The following NREP variants were observed in gnomAD, a reference collection of about 807,000 sequenced individuals.
NREP encodes the protein neuronal regeneration related protein.
Under a neutral mutation model 8.6 loss-of-function variants are expected in NREP, and 5 were observed. The ratio of observed to expected loss-of-function variants is 0.58; its 90% confidence interval spans 0.30 to 1.22. The LOEUF (loss-of-function observed/expected upper bound fraction) is 1.22, where lower values mean the gene tolerates loss of function less well. Among genes scored for constraint, NREP ranks in the 50% most tolerant of loss-of-function variants. NREP has a pLI of 0.07. For synonymous variants in NREP, 27 were observed against 28.0 expected, an observed-to-expected ratio of 0.96 and a Z score of 0.11; for missense variants, 86 against 82.5, an observed-to-expected ratio of 1.04 and a Z score of -0.17.
chr5:111,872,575 T>C (rs1367387023), intron 2 of NREP, among the ~76,000 whole-genome samples: 1 of 152,138 alleles, frequency 6.6e-6, no homozygotes, highest in Admixed American at 6.5e-5. Flanking sequence ...TGGTTGTCTG[T>C]GCCAGCTGTA....
chr5:111,947,166 C>T (rs180972075), intron 2 of NREP, among the ~76,000 whole-genome samples: 23 of 152,142 alleles, frequency 1.5e-4, no homozygotes, highest in African/African-American at 5.1e-4. Context: ...TTTGTATCCA[C>T]TCCTCCACAA....
upstream of NREP, among the ~76,000 whole-genome samples, chr5:111,760,304 C>A (rs1159778417): frequency 6.6e-6 from 1 of 152,152 alleles, no homozygotes; most frequent in Non-Finnish European, 1.5e-5. Context: ...TGATTGAGAA[C>A]CACTAGCTCT....
chr5:111,833,643 C>T (rs1009564458), intron 2 of NREP, among the ~76,000 whole-genome samples: 13 of 152,104 alleles, frequency 8.5e-5, no homozygotes, highest in African/African-American at 2.9e-4. Context: ...TGGCCTCATC[C>T]TATTGTTTGA....
chr5:111,957,369 G>A (rs934115229), intron 2 of NREP, among the ~76,000 whole-genome samples: 2 of 151,816 alleles, frequency 1.3e-5, no homozygotes, highest in African/African-American at 4.8e-5. Context: ...AAATCTCAAT[G>A]GAGAGTCAAT....
chr5:111,781,692 A>G (rs1317064537), intron 2 of NREP, among the ~76,000 whole-genome samples: 3 of 152,186 alleles, frequency 2.0e-5, no homozygotes, highest in African/African-American at 7.2e-5. Context: ...TTGTGATGAA[A>G]TTTGGACTAA....
chr5:111,943,513 G>C (rs563362448), intron 2 of NREP, among the ~76,000 whole-genome samples: 1 of 152,148 alleles, frequency 6.6e-6, no homozygotes, highest in Non-Finnish European at 1.5e-5. Context: ...CCAGAACTTT[G>C]TATTATAGAT....
At chr5:111,969,470 A>G (rs1008515256) in intron 2 of NREP, 1 of 152,222 alleles carries the variant, frequency 6.6e-6, no homozygotes, top group African/African-American at 2.4e-5. Context: ...TAATAGACAT[A>G]CAGTAGCCAT....
At chr5:111,819,606 C>T (rs2112922935) in intron 2 of NREP, among the ~76,000 whole-genome samples, 1 of 152,280 alleles carries the variant, frequency 6.6e-6, no homozygotes, top group East Asian at 1.9e-4. Context: ...ACCATTGCTC[C>T]TGGGGAAAAT....
chr5:111,832,791 A>G (rs1180163080), intron 2 of NREP, among the ~76,000 whole-genome samples: 1 of 152,170 alleles, frequency 6.6e-6, no homozygotes, highest in Non-Finnish European at 1.5e-5. Flanking sequence ...TACCACTCCC[A>G]TTCCCATAGC....
chr5:111,866,170 G>A (rs1000934445), intron 2 of NREP, among the ~76,000 whole-genome samples: 4 of 152,136 alleles, frequency 2.6e-5, no homozygotes, highest in South Asian at 2.1e-4. Flanking sequence ...TTAAACTAAA[G>A]AGCTTCTGCA....
intron 2 of NREP, among the ~76,000 whole-genome samples, chr5:111,893,987 G>T (rs536445253): frequency 6.6e-6 from 1 of 152,084 alleles, no homozygotes; most frequent in Non-Finnish European, 1.5e-5. Context: ...GGAGGCCGAC[G>T]CAGGCAGATC....
chr5:111,950,060 G>A (rs894757801), intron 2 of NREP, among the ~76,000 whole-genome samples: 1 of 152,004 alleles, frequency 6.6e-6, no homozygotes, highest in Non-Finnish European at 1.5e-5. Context: ...GTGTAAAAGA[G>A]CTCCTTTTCG....
At chr5:111,896,950 C>T (rs976983671) in intron 2 of NREP, among the ~76,000 whole-genome samples, 2 of 152,126 alleles carry the variant, frequency 1.3e-5, no homozygotes, top group African/African-American at 4.8e-5. Context: ...TATATTCTCT[C>T]AACATTCAAA....
chr5:111,951,421 C>T (rs185331137), intron 2 of NREP, among the ~76,000 whole-genome samples: 1 of 152,088 alleles, frequency 6.6e-6, no homozygotes, highest in Non-Finnish European at 1.5e-5. Context: ...GGCCCACCAT[C>T]GGTTTTTGTA....
chr5:111,926,219 G>A (rs1755379983), intron 2 of NREP, among the ~76,000 whole-genome samples: 1 of 152,136 alleles, frequency 6.6e-6, no homozygotes, highest in Non-Finnish European at 1.5e-5. Context: ...CTGGGGAAGT[G>A]GGGAGTTTTG....
At chr5:111,795,837 T>G (rs983322915) in intron 2 of NREP, among the ~76,000 whole-genome samples, 4 of 152,222 alleles carry the variant, frequency 2.6e-5, no homozygotes, top group African/African-American at 9.6e-5. Flanking sequence ...TATGCATTTA[T>G]TAATACTCAA....
At chr5:111,918,526 G>C (rs546779673) in intron 2 of NREP, among the ~76,000 whole-genome samples, 1 of 152,116 alleles carries the variant, frequency 6.6e-6, no homozygotes, top group East Asian at 1.9e-4. Context: ...TAGACCAATG[G>C]AACACAACAG....
chr5:111,758,246 C>T (rs934929536), upstream of NREP: 4 of 985,458 alleles, frequency 4.1e-6, no homozygotes, highest in African/African-American at 1.7e-5. Flanking sequence ...CACAGTCACA[C>T]GCGCACAACC....
chr5:111,814,078 C>G (rs1752331121), intron 2 of NREP, among the ~76,000 whole-genome samples: 1 of 151,838 alleles, frequency 6.6e-6, no homozygotes, highest in Admixed American at 6.6e-5. Flanking sequence ...CAGTTTTAAC[C>G]TTCAGCCAGT....
Sources: gnomAD v4.1 joint callset for allele counts (sites outside exome capture counted in the v4.1 genomes callset) on GRCh38, gnomAD v4.1.1 for gene constraint, MANE v1.5 for transcripts, NCBI Gene and HGNC (gene_info 2026-07-23, HGNC 2026-07-21) for gene names.